The following SAMMSON variants were observed in gnomAD, a reference collection of about 807,000 sequenced individuals.
The protein encoded by SAMMSON is survival associated mitochondrial melanoma specific oncogenic non-coding RNA, also known as long intergenic non-protein coding RNA 1212.
intron 4 of SAMMSON, among the ~76,000 whole-genome samples, chr3:70,093,706 A>T (rs146196298): frequency 2.1e-4 from 32 of 152,302 alleles, no homozygotes; most frequent in African/African-American, 6.7e-4. Flanking sequence ...AATTCCATGT[A>T]TCCCATGTGG....
chr3:70,342,472 G>T (rs1402793990), intron 7 of SAMMSON, among the ~76,000 whole-genome samples: 1 of 152,190 alleles, frequency 6.6e-6, no homozygotes, highest in African/African-American at 2.4e-5. Context: ...GTGTACACCA[G>T]TGTAGTTGGC....
chr3:70,338,311 CA>C (rs770318337), intron 7 of SAMMSON, among the ~76,000 whole-genome samples: 105 of 151,854 alleles, frequency 6.9e-4, no homozygotes, highest in Non-Finnish European at 1.4e-3. Context: ...CAAAAGCAAA[CA>C]GGAGGATAAT....
chr3:70,274,602 G>A (rs539374611), intron 6 of SAMMSON, among the ~76,000 whole-genome samples: 2 of 152,196 alleles, frequency 1.3e-5, no homozygotes, highest in South Asian at 2.1e-4. Flanking sequence ...ACACATGGTG[G>A]GAAACAACAC....
intron 4 of SAMMSON, among the ~76,000 whole-genome samples, chr3:70,192,552 A>T (rs1439402519): frequency 2.0e-5 from 3 of 152,180 alleles, no homozygotes; most frequent in African/African-American, 7.2e-5. Context: ...CTGGCCTCCC[A>T]CCAAAAAGAT....
At chr3:70,098,320 T>C (rs542280037) in intron 4 of SAMMSON, among the ~76,000 whole-genome samples, 135 of 152,272 alleles carry the variant, frequency 8.9e-4, no homozygotes, top group African/African-American at 3.2e-3. Flanking sequence ...TTCCCTCCTA[T>C]CCTGTTCCGT....
chr3:70,339,731 G>A (rs545581265), intron 7 of SAMMSON, among the ~76,000 whole-genome samples: 285 of 152,168 alleles, frequency 1.9e-3, no homozygotes, highest in African/African-American at 6.2e-3. Flanking sequence ...TTAGAATGGC[G>A]ATCATTAAAA....
At chr3:70,198,695 G>T (rs1274084256) in intron 4 of SAMMSON, among the ~76,000 whole-genome samples, 1 of 151,968 alleles carries the variant, frequency 6.6e-6, no homozygotes, top group Non-Finnish European at 1.5e-5. Context: ...GTCATATATT[G>T]TTGCAGGTGC....
intron 4 of SAMMSON, among the ~76,000 whole-genome samples, chr3:70,086,202 G>C (rs2106644011): frequency 6.6e-6 from 1 of 152,276 alleles, no homozygotes; most frequent in African/African-American, 2.4e-5. Flanking sequence ...GCCTGGCTCA[G>C]GGGCCATGGC....
chr3:70,169,403 G>T (rs955543714), intron 4 of SAMMSON, among the ~76,000 whole-genome samples: 2 of 151,910 alleles, frequency 1.3e-5, no homozygotes, highest in Admixed American at 6.6e-5. Flanking sequence ...TATGGATCTA[G>T]GAAAATGTTT....
intron 2 of SAMMSON, among the ~76,000 whole-genome samples, chr3:70,426,938 A>C (rs568839926): frequency 6.6e-6 from 1 of 152,350 alleles, no homozygotes; most frequent in East Asian, 1.9e-4. Context: ...TTCTTAAATA[A>C]GCTCTACTTA....
At chr3:70,317,124 C>G (rs1012832459) in intron 7 of SAMMSON, among the ~76,000 whole-genome samples, 5 of 151,916 alleles carry the variant, frequency 3.3e-5, no homozygotes, top group African/African-American at 7.2e-5. Flanking sequence ...CATTTACATG[C>G]TCTCTCCTTT....
At chr3:70,233,630 T>C (rs1159686531) in intron 4 of SAMMSON, among the ~76,000 whole-genome samples, 2 of 152,188 alleles carry the variant, frequency 1.3e-5, no homozygotes, top group African/African-American at 4.8e-5. Flanking sequence ...AGTTTCCCTA[T>C]GTCCTTTTGT....
At chr3:70,166,696 C>G (rs972434761) in intron 4 of SAMMSON, among the ~76,000 whole-genome samples, 3 of 151,780 alleles carry the variant, frequency 2.0e-5, no homozygotes, top group African/African-American at 7.3e-5. Context: ...TTTTGAATAC[C>G]AATGCTGAGT....
intron 7 of SAMMSON, among the ~76,000 whole-genome samples, chr3:70,323,403 C>A (rs1055118848): frequency 1.3e-5 from 2 of 152,122 alleles, no homozygotes; most frequent in African/African-American, 4.8e-5. Context: ...ATGGTGACAC[C>A]AGGATGTTTT....
rs17006663 is a variant in SAMMSON at position 70,053,568 on chromosome 3, C to G, written n.418-17908C>G. On this transcript the variant is annotated intron_variant and non_coding_transcript_variant, in intron 3 of 9. Coordinates refer to ENST00000642114, the Ensembl canonical transcript of SAMMSON. ...CTGAGGTTTTCAACACACAAGGAGA[C>G]TGACACGTGCTAATTTTGTAAGATA... Among the ~76,000 whole-genome samples, 5 of 152,250 alleles carry G rather than the reference C, an allele frequency of 3.3e-5. No individual in the cohort carries two copies. The East Asian group carries it at 7.7e-4, about 24-fold the overall frequency.
At chr3:70,125,900 A>G in intron 4 of SAMMSON, 1 of 696,852 alleles carries the variant, frequency 1.4e-6, no homozygotes, top group East Asian at 2.7e-5. Context: ...TCTTCACTAG[A>G]TAATTCCTCA....
At chr3:70,353,432 T>C (rs894754853) in intron 7 of SAMMSON, among the ~76,000 whole-genome samples, 1 of 152,026 alleles carries the variant, frequency 6.6e-6, no homozygotes, top group Non-Finnish European at 1.5e-5. Flanking sequence ...AGAAGATGTT[T>C]CACTGAGAAG....
At chr3:70,364,735 C>T (rs1333013523) in intron 9 of SAMMSON, among the ~76,000 whole-genome samples, 1 of 151,880 alleles carries the variant, frequency 6.6e-6, no homozygotes, top group Non-Finnish European at 1.5e-5. Flanking sequence ...TTGCAGGACT[C>T]TGAAAATGCA....
At chr3:70,142,239 A>T (rs761430747) in intron 4 of SAMMSON, among the ~76,000 whole-genome samples, 4 of 152,228 alleles carry the variant, frequency 2.6e-5, no homozygotes, top group African/African-American at 4.8e-5. Flanking sequence ...ATGCATATTT[A>T]TAGCAGCACA....
Sources: allele counts gnomAD v4.1 joint callset (sites outside exome capture counted in the v4.1 genomes callset), GRCh38; gene constraint gnomAD v4.1.1; transcripts MANE v1.5; gene names NCBI Gene and HGNC (gene_info 2026-07-23, HGNC 2026-07-21).